The following LRIG3 variants were observed in gnomAD, a reference collection of about 807,000 sequenced individuals.
LRIG3 encodes leucine rich repeats and immunoglobulin like domains 3.
A neutral mutation model predicts 114.5 loss-of-function variants in LRIG3; 76 were observed. That is an observed-to-expected ratio of 0.66 (90% CI 0.55 to 0.80). The LOEUF (loss-of-function observed/expected upper bound fraction) is 0.80. Ranked by LOEUF, LRIG3 falls within the 30% of genes least tolerant of loss-of-function variation. The pLI is 0.00. For synonymous variants in LRIG3, 512 were observed against 519.8 expected, an observed-to-expected ratio of 0.98 and a Z score of 0.20; for missense variants, 1,239 against 1,382.8, an observed-to-expected ratio of 0.90 and a Z score of 1.65.
intron 9 of LRIG3, 121 bp from the exon 10 acceptor site, chr12:58,886,023 T>C (rs1163743015): frequency 2.3e-6 from 1 of 434,628 alleles, no homozygotes; most frequent in Non-Finnish European, 4.2e-6. Flanking sequence ...AATTAAACAA[T>C]ATATCCTGTA....
chr12:58,880,871 T>C lies in LRIG3; in HGVS notation c.1511A>G (p.Gln504Arg). 6.2e-7 allele frequency: 1 copy of C among 1,613,580 alleles called. No individual in the cohort carries two copies. Among genetic ancestry groups the C allele is most frequent in the East Asian group, 2.2e-5 (1 of 44,852 alleles). Residue 504 changes from glutamine to arginine, a missense_variant, in exon 13 of 19, where the codon CAG (glutamine) becomes CGG (arginine). Transcript: ENST00000320743. Reference sequence around the variant, plus strand: ...TTTTATTGCCGACTGTGTTTCTGGCTGAACCGTGATCTGGGGTTTGGGAAA... The same window carrying C: ...TTTTATTGCCGACTGTGTTTCTGGCCGAACCGTGATCTGGGGTTTGGGAAA... ...DDFPKPQITVQPETQSAIKGS... is the reference protein window; with the variant it reads ...DDFPKPQITVRPETQSAIKGS...
chr12:58,874,511 AAAG>A lies in LRIG3; in HGVS notation c.2755_2757del (p.Leu919del). 1 of 1,614,182 alleles carries A rather than the reference AAAG, an allele frequency of 6.2e-7. No homozygotes were observed. Among genetic ancestry groups the A allele is most frequent in the Non-Finnish European group, 8.5e-7 (1 of 1,180,028 alleles). On this transcript the variant is annotated inframe_deletion, in exon 17 of 19. Coordinates refer to ENST00000320743, the MANE Select transcript of LRIG3 (RefSeq NM_153377.5). ...GGGCCTGTGGATCCCAAAAACGGAC[AAAG>A]GAACAGATCTGTGGCAGCTTCCACA...
chr12:58,879,244 T>C, intron 13 of LRIG3, 139 bp from the exon 14 acceptor site: 2 of 1,016,170 alleles, frequency 2.0e-6, no homozygotes, highest in Non-Finnish European at 2.8e-6. Flanking sequence ...AATTCCAATT[T>C]CAAGTCAAGG....
intron 9 of LRIG3, 111 bp downstream of exon 9, chr12:58,886,699 T>A: frequency 1.2e-6 from 1 of 809,502 alleles, no homozygotes; most frequent in East Asian, 2.6e-5. Context: ...GTAACCAGAT[T>A]AAGCACTGAT....
intron 10 of LRIG3, 76 bp downstream of exon 10, chr12:58,885,750 GTTTGT>G: frequency 1.1e-6 from 1 of 923,494 alleles, no homozygotes; most frequent in East Asian, 3.2e-5. Context: ...TTACATTCCA[GTTTGT>G]TTTATCTTTC....
chr12:58,873,651 T>C (rs1870809387), intron 18 of LRIG3: 1 of 196,888 alleles, frequency 5.1e-6, no homozygotes, highest in Non-Finnish European at 1.1e-5. Flanking sequence ...TTTCCACCCT[T>C]CGACTGCGGG....
intron 12 of LRIG3, 21 bp downstream of exon 12, chr12:58,882,848 A>G (rs370428550): frequency 1.3e-6 from 2 of 1,569,544 alleles, no homozygotes; most frequent in African/African-American, 2.7e-5. Context: ...AATAAAAGGC[A>G]AGGGCAATAC....
Position 58,875,324 on chromosome 12 carries a change from G to A in LRIG3, c.2696-751C>T, listed in dbSNP as rs114186818. ...GGGTCTCCACTCTGCCTCTAAACGGGTCTAACCAGAATACTCACTTCTATG... is the reference window on the plus strand; with the variant it reads ...GGGTCTCCACTCTGCCTCTAAACGGATCTAACCAGAATACTCACTTCTATG... On this transcript the variant is annotated intron_variant, in intron 16 of 18. Coordinates refer to ENST00000320743, the MANE Select transcript of LRIG3 (RefSeq NM_153377.5). 4.5e-3 allele frequency among the ~76,000 whole-genome samples: 688 copies of A among 152,198 alleles called. 6 individuals are homozygous for A. The highest frequency in any genetic ancestry group is 0.016 in the African/African-American group (659 of 41,510).
Position 58,874,230 on chromosome 12 carries a change from G to A in LRIG3, c.2940C>T (p.Ser980=). Reference sequence around the variant, plus strand: ...ATATATTACTGAAGCTCCGTTCGCAGGATTCTTCTGAAGGATGAGAACATG... The same window carrying A: ...ATATATTACTGAAGCTCCGTTCGCAAGATTCTTCTGAAGGATGAGAACATG... ...CYPCSHPSEE[S]CERSFSNISW... Residue 980 remains serine, a synonymous_variant, in exon 18 of 19, where the codon TCC becomes TCT. Transcript: ENST00000320743. 6.2e-7 allele frequency: 1 copy of A among 1,614,184 alleles called. No individual in the cohort carries two copies. Among genetic ancestry groups the A allele is most frequent in the South Asian group, 1.1e-5 (1 of 91,078 alleles).
At chr12:58,919,939 C>A (rs1281494159) in intron 1 of LRIG3, 61 bp downstream of exon 1, 2 of 1,466,968 alleles carry the variant, frequency 1.4e-6, no homozygotes, top group Non-Finnish European at 1.9e-6. Context: ...TCCCCGCCGG[C>A]TCCTGTTTTC....
At chr12:58,915,320 T>G (rs1024501790) in intron 1 of LRIG3, among the ~76,000 whole-genome samples, 1 of 152,228 alleles carries the variant, frequency 6.6e-6, no homozygotes, top group African/African-American at 2.4e-5. Flanking sequence ...CAACCCATAC[T>G]AATTTTTTTG....
intron 16 of LRIG3, among the ~76,000 whole-genome samples, chr12:58,876,028 G>C (rs1275612736): frequency 1.3e-5 from 2 of 152,064 alleles, no homozygotes; most frequent in Non-Finnish European, 2.9e-5. Context: ...CTCCAGCCTG[G>C]GTGACAGAGC....
At chr12:58,885,477 G>A (rs948316474) in intron 10 of LRIG3, among the ~76,000 whole-genome samples, 5 of 151,940 alleles carry the variant, frequency 3.3e-5, no homozygotes, top group African/African-American at 1.2e-4. Context: ...GAGAATATAT[G>A]TGAATATGTG....
At position 58,877,738 on chromosome 12, in the gene LRIG3, T is replaced by C. The variant is rs1354840564; in HGVS notation, c.2198A>G (p.Asp733Gly). Residue 733 changes from aspartate to glycine, a missense_variant, in exon 15 of 19, where the codon GAT (aspartate) becomes GGT (glycine). Coordinates refer to ENST00000320743, the MANE Select transcript of LRIG3 (RefSeq NM_153377.5). ...CTCGGTTACCACCAATGGGCTATCA[T>C]CTTTGGTCCAGTTCAGTTTAGGGGG... ...SPPPKLNWTK[D>G]DSPLVVTERH... 1 of 1,614,198 alleles carries C rather than the reference T, an allele frequency of 6.2e-7. No homozygotes were observed.
At chr12:58,893,254 A>C (rs1208848259) in intron 3 of LRIG3, among the ~76,000 whole-genome samples, 1 of 152,244 alleles carries the variant, frequency 6.6e-6, no homozygotes, top group Non-Finnish European at 1.5e-5. Context: ...ATAGTGTTAA[A>C]ACTCTTCTGA....
Position 58,892,292 on chromosome 12 carries a change from C to G in LRIG3, c.384-1496G>C, listed in dbSNP as rs142868431. Among the ~76,000 whole-genome samples, 538 of 152,232 alleles carry G rather than the reference C, an allele frequency of 3.5e-3. 2 individuals are homozygous for G. Among genetic ancestry groups the G allele is most frequent in the African/African-American group, 0.012 (517 of 41,548 alleles). On this transcript the variant is annotated intron_variant, in intron 3 of 18. Transcript: ENST00000320743. ...ATAGAAAGGTCTCCTCTTTACAACG[C>G]GAGAAACAATGAAACAATCTGAATG...
At chr12:58,885,643 A>G (rs1488053508) in intron 10 of LRIG3, among the ~76,000 whole-genome samples, 188 bp downstream of exon 10, 4 of 152,170 alleles carry the variant, frequency 2.6e-5, no homozygotes, top group African/African-American at 9.7e-5. Context: ...GTATACTTCT[A>G]TATAGGTAGG....
Position 58,914,067 on chromosome 12 carries a change from C to CAA in LRIG3, c.309-13_309-12dup, listed in dbSNP as rs72005968. 125 of 1,229,394 alleles carry CAA rather than the reference C, an allele frequency of 1.0e-4. No homozygotes were observed. The highest frequency in any genetic ancestry group is 1.2e-4 in the Non-Finnish European group (107 of 894,190). 76.2% of individuals were successfully genotyped at this position (1,229,394 alleles called of 1,614,324 possible). ...TTGTTGTTCAGTTTCCTACAAATGC[C>CAA]AAAAAAAAAAAGAAAAAGAAAAGCT... On this transcript the variant is annotated splice_polypyrimidine_tract_variant and intron_variant, in intron 2 of 18. Transcript: ENST00000320743.
At chr12:58,898,667 T>C (rs559930421) in intron 3 of LRIG3, among the ~76,000 whole-genome samples, 32 of 152,290 alleles carry the variant, frequency 2.1e-4, no homozygotes, top group Admixed American at 2.0e-3. Flanking sequence ...CTCCCTTGTT[T>C]TTTTTTTCTT....
Sources: allele counts gnomAD v4.1 joint callset (sites outside exome capture counted in the v4.1 genomes callset), GRCh38; gene constraint gnomAD v4.1.1; transcripts MANE v1.5; gene names NCBI Gene and HGNC (gene_info 2026-07-23, HGNC 2026-07-21).